Variants in DISC1 observed in about 807,000 individuals in gnomAD.
DISC1 encodes the protein disrupted in schizophrenia 1 protein.
Under a neutral mutation model 84.5 loss-of-function variants are expected in DISC1, and 57 were observed. The observed-to-expected ratio is 0.67, with a 90% CI of 0.55 to 0.84. DISC1 has a LOEUF of 0.84. Ranked by LOEUF, DISC1 falls within the 40% of genes least tolerant of loss-of-function variation. The probability of loss-of-function intolerance (pLI) is 0.00; values close to 1 mark genes in which losing one functional copy is unlikely to be tolerated. For synonymous variants in DISC1, 411 were observed against 415.2 expected (o/e 0.99, Z 0.12); for missense variants, 1,000 against 1,057.8 (o/e 0.95, Z 0.76).
chr1:231,948,503 T>C (rs931039419), intron 9 of DISC1, among the ~76,000 whole-genome samples: 1 of 152,006 alleles, frequency 6.6e-6, no homozygotes, highest in African/African-American at 2.4e-5. Flanking sequence ...ATATCTGATG[T>C]AGGTGACCGG....
intron 9 of DISC1, among the ~76,000 whole-genome samples, chr1:231,843,194 A>G (rs1391532528): frequency 1.3e-5 from 2 of 152,168 alleles, no homozygotes; most frequent in Non-Finnish European, 2.9e-5. Context: ...AAATGGAGAA[A>G]AGTATGGAAA....
chr1:231,888,957 A>G (rs904736963), intron 9 of DISC1, among the ~76,000 whole-genome samples: 1 of 152,020 alleles, frequency 6.6e-6, no homozygotes, highest in African/African-American at 2.4e-5. Context: ...CCACATCTCC[A>G]TATGCGATCC....
intron 4 of DISC1, 48 bp from the exon 5 acceptor site, chr1:231,767,092 G>A: frequency 6.2e-7 from 1 of 1,603,690 alleles, no homozygotes; most frequent in Non-Finnish European, 8.5e-7. Flanking sequence ...TCAACATGAG[G>A]ATTTCAGCTT....
At chr1:231,689,696 G>T (rs377575972) in intron 1 of DISC1, among the ~76,000 whole-genome samples, 8 of 152,108 alleles carry the variant, frequency 5.3e-5, no homozygotes, top group African/African-American at 1.9e-4. Context: ...AATGAATATT[G>T]TCTGGCCAAT....
At chr1:231,627,002 C>A in intron 1 of DISC1, 68 bp downstream of exon 1, 1 of 1,168,996 alleles carries the variant, frequency 8.6e-7, no homozygotes, top group Non-Finnish European at 1.2e-6. Flanking sequence ...GCGCTCTGGC[C>A]CCCAGGAAGT....
chr1:232,013,679 G>T (rs1464961465), intron 11 of DISC1, among the ~76,000 whole-genome samples: 1 of 152,170 alleles, frequency 6.6e-6, no homozygotes, highest in African/African-American at 2.4e-5. Flanking sequence ...TGATCTAATG[G>T]TTATAGACTG....
chr1:231,640,484 G>A (rs1202451200), intron 1 of DISC1, among the ~76,000 whole-genome samples: 2 of 120,610 alleles, frequency 1.7e-5, no homozygotes, highest in African/African-American at 5.8e-5. Flanking sequence ...GAGTACCTCC[G>A]AAACTCAGCT....
At chr1:231,940,864 G>T (rs1266748023) in intron 9 of DISC1, 1 of 152,262 alleles carries the variant, frequency 6.6e-6, no homozygotes, top group Non-Finnish European at 1.5e-5. Context: ...TGAGAGGCTG[G>T]CTGTGGCCAG....
chr1:231,829,931 T>G (rs1272001977), intron 9 of DISC1, among the ~76,000 whole-genome samples: 3 of 152,076 alleles, frequency 2.0e-5, no homozygotes, highest in Non-Finnish European at 4.4e-5. Context: ...AGAAGGAATT[T>G]CACCAGATAA....
At chr1:231,951,291 C>T (rs1160252619) in intron 9 of DISC1, among the ~76,000 whole-genome samples, 2 of 152,182 alleles carry the variant, frequency 1.3e-5, no homozygotes, top group African/African-American at 4.8e-5. Context: ...TGCTTTTGGA[C>T]AGGCTGATTT....
Position 231,675,819 on chromosome 1 carries a change from T to C in DISC1, c.68-18007T>C, listed in dbSNP as rs2063088703. Among the ~76,000 whole-genome samples the C allele has an allele frequency of 6.6e-6, 1 of 152,038 alleles. No homozygotes were observed. The highest frequency in any genetic ancestry group is 1.5e-5 in the Non-Finnish European group (1 of 67,996). ...ATTTTTCTGTTCCAAATAGCTCTAG[T>C]CTGCTGGTATATTGTATTTGTTTTT... On this transcript the variant is annotated intron_variant, in intron 1 of 12. Coordinates refer to ENST00000439617, the MANE Select transcript of DISC1 (RefSeq NM_018662.3). This position sits in a 1 kb window ranked among gnomAD's most constrained non-coding sequence, Gnocchi z 4.1.
At chr1:231,854,418 T>A in intron 9 of DISC1, among the ~76,000 whole-genome samples, 1 of 152,220 alleles carries the variant, frequency 6.6e-6, no homozygotes, top group East Asian at 1.9e-4. Flanking sequence ...GAAAAACTCC[T>A]GGCAAATATA....
chr1:231,963,100 C>T (rs1206953252), intron 10 of DISC1, among the ~76,000 whole-genome samples: 1 of 152,136 alleles, frequency 6.6e-6, no homozygotes. Flanking sequence ...ACAAGGCTGC[C>T]CGATGTCCTA....
chr1:231,663,530 C>G (rs1171082501), intron 1 of DISC1, among the ~76,000 whole-genome samples: 1 of 152,138 alleles, frequency 6.6e-6, no homozygotes, highest in Admixed American at 6.5e-5. Flanking sequence ...GTTATACTGC[C>G]CCTACAACTT....
chr1:231,928,610 A>G (rs960778857), intron 9 of DISC1, among the ~76,000 whole-genome samples: 1 of 151,832 alleles, frequency 6.6e-6, no homozygotes, highest in Admixed American at 6.6e-5. Context: ...TTTTGAATTT[A>G]TTTGCTCTTG....
chr1:232,004,834 T>A (rs1667136202), intron 10 of DISC1, among the ~76,000 whole-genome samples: 1 of 150,412 alleles, frequency 6.6e-6, no homozygotes. Context: ...ATTCCCTCCC[T>A]CCCTCGCTCC....
intron 3 of DISC1, chr1:231,720,890 C>A (rs991147124): frequency 7.7e-7 from 1 of 1,290,912 alleles, no homozygotes; most frequent in African/African-American, 1.5e-5. Context: ...ACTTTGCATA[C>A]CTAGTTCTGA....
intron 3 of DISC1, among the ~76,000 whole-genome samples, chr1:231,747,515 C>T (rs1431204511): frequency 6.6e-6 from 1 of 152,194 alleles, no homozygotes. Context: ...AAGAGACCTT[C>T]TTTTCCCCGA....
chr1:231,760,549 C>A (rs1337366796), intron 4 of DISC1, among the ~76,000 whole-genome samples: 1 of 152,206 alleles, frequency 6.6e-6, no homozygotes, highest in Non-Finnish European at 1.5e-5. Context: ...ATGATGAGAA[C>A]ATCGGCCTTG....
Sources: gnomAD v4.1 joint callset for allele counts (sites outside exome capture counted in the v4.1 genomes callset) on GRCh38, gnomAD v4.1.1 for gene constraint, Gnocchi (gnomAD v3.1) non-coding constraint, MANE v1.5 for transcripts, NCBI Gene and HGNC (gene_info 2026-07-23, HGNC 2026-07-21) for gene names.